The following SMARCA4 variants were observed in gnomAD, a reference collection of about 807,000 sequenced individuals.
SMARCA4 encodes SWI/SNF-related matrix-associated actin-dependent regulator of chromatin subfamily A member 4.
In SMARCA4, 31 loss-of-function variants were observed where a neutral mutation model predicts 193.9. The ratio of observed to expected loss-of-function variants is 0.16; its 90% CI spans 0.12 to 0.22. The LOEUF (loss-of-function observed/expected upper bound fraction) is 0.22. SMARCA4 is among the 10% of genes least tolerant of loss of function. SMARCA4 has a pLI of 1.00. For missense variants in SMARCA4, 1,148 were observed against 2,296.0 expected (o/e 0.50, Z 10.22); for synonymous variants, 942 against 933.1 (o/e 1.01, Z -0.17).
chr19:10,980,375 T>C (rs2085463572), intron 1 of SMARCA4, among the ~76,000 whole-genome samples: 1 of 152,188 alleles, frequency 6.6e-6, no homozygotes, highest in African/African-American at 2.4e-5. Context: ...GTACTCTGTT[T>C]TTCCGTTGAC....
chr19:10,972,386 A>T (rs1178979662), intron 1 of SMARCA4, among the ~76,000 whole-genome samples: 1 of 148,368 alleles, frequency 6.7e-6, no homozygotes, highest in Non-Finnish European at 1.5e-5. Flanking sequence ...ATGAGCCACC[A>T]CGTCCGGCCC....
chr19:11,025,632 C>T lies in SMARCA4; in HGVS notation c.3168+124C>T, dbSNP rs2090197779. 1.1e-5 allele frequency: 8 copies of T among 745,468 alleles called. No individual in the cohort carries two copies. In the South Asian group the frequency reaches 1.1e-4, roughly 11 times the overall value. 46.2% of individuals were successfully genotyped at this position (745,468 alleles called of 1,614,324 possible). ...ATATTTTCATTAGGTAATGCCTGTA[C>T]ATCTGTCTCTCATTTGGTCTTCGCT... On this transcript the variant is annotated intron_variant, in intron 22 of 34. Transcript: ENST00000344626.
At chr19:11,045,287 T>A (rs2075837424) in intron 30 of SMARCA4, among the ~76,000 whole-genome samples, 1 of 151,770 alleles carries the variant, frequency 6.6e-6, no homozygotes, top group Non-Finnish European at 1.5e-5. Context: ...GCCACGGCAC[T>A]CCAGCCTGGG....
chr19:11,050,478 T>A lies in SMARCA4; in HGVS notation c.4425-7777T>A, dbSNP rs2076197546. ...GCACACAGCCCAGACGCCAGCACTG[T>A]GTGCACTGTGGGAGGGGACGATGGT... On this transcript the variant is annotated intron_variant, in intron 30 of 34. Coordinates refer to ENST00000344626, the MANE Select transcript of SMARCA4 (RefSeq NM_003072.5). Among the ~76,000 whole-genome samples the A allele has an allele frequency of 2.6e-5, 4 of 152,326 alleles. 1 individual carries two copies. In the South Asian group the frequency reaches 8.3e-4, roughly 32 times the overall value.
At chr19:11,035,765 C>T (rs1231288360) in intron 29 of SMARCA4, among the ~76,000 whole-genome samples, 1 of 152,228 alleles carries the variant, frequency 6.6e-6, no homozygotes, top group African/African-American at 2.4e-5. Context: ...GCTCCTGGGG[C>T]TTCACCCGAC....
chr19:10,997,524 C>T (rs938680979), intron 11 of SMARCA4, among the ~76,000 whole-genome samples: 1 of 152,092 alleles, frequency 6.6e-6, no homozygotes, highest in Non-Finnish European at 1.5e-5. Context: ...CGGGGTTTCA[C>T]CATGTTGGCC....
intron 1 of SMARCA4, among the ~76,000 whole-genome samples, chr19:10,962,953 G>T (rs1483804436): frequency 6.6e-6 from 1 of 152,144 alleles, no homozygotes; most frequent in East Asian, 1.9e-4. Flanking sequence ...CACCGTGAGA[G>T]CTGGGGTTGT....
At chr19:11,056,106 G>A (rs1004471788) in intron 30 of SMARCA4, 4 of 152,272 alleles carry the variant, frequency 2.6e-5, no homozygotes, top group Admixed American at 6.6e-5. Context: ...CCGTAGAGTG[G>A]AGAACAGGAT....
chr19:11,031,035 C>T lies in SMARCA4; in HGVS notation c.3546+142C>T. Reference sequence around the variant, plus strand: ...GAGCCGGGAGGAGCTGCACCCATATCTCCATAGGTCATCAGGGAGAAAAGA... The same window carrying T: ...GAGCCGGGAGGAGCTGCACCCATATTTCCATAGGTCATCAGGGAGAAAAGA... On this transcript the variant is annotated intron_variant, in intron 25 of 34. Coordinates refer to ENST00000344626, the MANE Select transcript of SMARCA4 (RefSeq NM_003072.5). The surrounding 1 kb of genome is among the most constrained non-coding windows in gnomAD (Gnocchi z 4.3). 4.0e-6 allele frequency: 3 copies of T among 757,742 alleles called. No homozygotes were observed. The highest frequency in any genetic ancestry group is 6.8e-6 in the Non-Finnish European group (3 of 439,738). 46.9% of individuals were successfully genotyped at this position (757,742 alleles called of 1,614,324 possible). A position where few individuals can be genotyped will look rare whatever the true frequency, so the allele number is the denominator to read the frequency against.
At chr19:10,968,565 C>CT (rs917651454) in intron 1 of SMARCA4, among the ~76,000 whole-genome samples, 1 of 151,700 alleles carries the variant, frequency 6.6e-6, no homozygotes, top group Non-Finnish European at 1.5e-5. Context: ...TTAGGCTGGT[C>CT]TTTAACTCCT....
At chr19:11,038,992 G>T (rs936427508) in intron 29 of SMARCA4, among the ~76,000 whole-genome samples, 1 of 152,172 alleles carries the variant, frequency 6.6e-6, no homozygotes, top group African/African-American at 2.4e-5. Context: ...AAGCCAAAGC[G>T]GGGGGATCAT....
Position 11,033,134 on chromosome 19 carries a change from C to A in SMARCA4, c.3547-156C>A. On this transcript the variant is annotated intron_variant, in intron 25 of 34. Coordinates refer to ENST00000344626, the MANE Select transcript of SMARCA4 (RefSeq NM_003072.5). The surrounding 1 kb of genome is among the most constrained non-coding windows in gnomAD (Gnocchi z 9.8). ...GGGACACATGGCGGCCCAGGCTCCA[C>A]CAGCTCTGTTTTCATGCGGCGGCAG... The A allele has an allele frequency of 1.4e-6, 1 of 699,846 alleles. No individual in the cohort carries two copies. Among genetic ancestry groups the A allele is most frequent in the Non-Finnish European group, 2.6e-6 (1 of 384,528 alleles). 43.4% of individuals were successfully genotyped at this position (699,846 alleles called of 1,614,324 possible).
Position 11,019,442 on chromosome 19 carries a change from G to A in SMARCA4, c.2506-149G>A, listed in dbSNP as rs527684874. The A allele has an allele frequency of 1.5e-5, 10 of 658,626 alleles. No homozygotes were observed. Among genetic ancestry groups the A allele is most frequent in the African/African-American group, 1.1e-4 (6 of 56,470 alleles). The allele number at this position is 658,626 out of a possible 1,614,324, so 40.8% of individuals were successfully genotyped here. A position where few individuals can be genotyped will look rare whatever the true frequency, so the allele number is the denominator to read the frequency against. On this transcript the variant is annotated intron_variant, in intron 17 of 34. Transcript: ENST00000344626. The surrounding 1 kb of genome is among the most constrained non-coding windows in gnomAD (Gnocchi z 6.1). ...CGTGGTGAGGTCTGGGGACGCGCCA[G>A]CGGCCCTGCCAGCCCCTTTCCCCAC...
At chr19:11,023,415 G>A in intron 19 of SMARCA4, 103 bp from the exon 20 acceptor site, 2 of 780,916 alleles carry the variant, frequency 2.6e-6, no homozygotes, top group South Asian at 2.9e-5. Context: ...GATCACCCCA[G>A]GGGACCCCGT....
At chr19:11,035,268 C>T in intron 29 of SMARCA4, 136 bp downstream of exon 29, 1 of 831,260 alleles carries the variant, frequency 1.2e-6, no homozygotes, top group Admixed American at 2.0e-5. Flanking sequence ...GCTCCGCAGG[C>T]AGCCGAGAGC....
rs1326731274 is a variant in SMARCA4 at position 11,033,875 on chromosome 19, G to A, written c.3873+10G>A. 4 of 777,604 alleles carry A rather than the reference G, an allele frequency of 5.1e-6. No individual in the cohort carries two copies. The highest frequency in any genetic ancestry group is 9.6e-6 in the Non-Finnish European group (4 of 417,982). 48.2% of individuals were successfully genotyped at this position (777,604 alleles called of 1,614,324 possible). On this transcript the variant is annotated intron_variant, in intron 27 of 34. Transcript: ENST00000344626. The surrounding 1 kb of genome is among the most constrained non-coding windows in gnomAD (Gnocchi z 9.8). The stretch of plus-strand genomic sequence containing the variant: ...GGAGCCACCTCTAAAGGTGAGAGGG[G>A]TAGTTCAGTCTCCATGCCCATTCAA...
chr19:11,028,255 C>G (rs1287987593), intron 24 of SMARCA4, among the ~76,000 whole-genome samples: 1 of 152,212 alleles, frequency 6.6e-6, no homozygotes, highest in African/African-American at 2.4e-5. Flanking sequence ...ACCATGTGGA[C>G]ACAGGAAAGA....
chr19:11,033,205 C>T lies in SMARCA4; in HGVS notation c.3547-85C>T. The T allele has an allele frequency of 9.6e-7, 1 of 1,043,858 alleles. No homozygotes were observed. Among genetic ancestry groups the T allele is most frequent in the Non-Finnish European group, 1.5e-6 (1 of 665,760 alleles). 64.7% of individuals were successfully genotyped at this position (1,043,858 alleles called of 1,614,324 possible). On this transcript the variant is annotated intron_variant, in intron 25 of 34. Coordinates refer to ENST00000344626, the MANE Select transcript of SMARCA4 (RefSeq NM_003072.5). The surrounding 1 kb of genome is among the most constrained non-coding windows in gnomAD (Gnocchi z 9.8). ...CAGGCCGAGGGTGGCACGCACAGCACACCTCTCCAGCTAGTGTCAGAGGCC... is the reference window on the plus strand; with the variant it reads ...CAGGCCGAGGGTGGCACGCACAGCATACCTCTCCAGCTAGTGTCAGAGGCC...
intron 1 of SMARCA4, among the ~76,000 whole-genome samples, chr19:10,973,694 C>T (rs900940786): frequency 6.6e-6 from 1 of 151,846 alleles, no homozygotes; most frequent in Non-Finnish European, 1.5e-5. Context: ...CTCAGCCTCC[C>T]GAGTAGCTGG....
Sources: gnomAD v4.1 joint callset for allele counts (sites outside exome capture counted in the v4.1 genomes callset) on GRCh38, gnomAD v4.1.1 for gene constraint, Gnocchi (gnomAD v3.1) non-coding constraint, MANE v1.5 for transcripts, NCBI Gene and HGNC (gene_info 2026-07-23, HGNC 2026-07-21) for gene names.